Variants in FERMT2 observed in about 807,000 individuals in gnomAD.
FERMT2 encodes the protein fermitin family homolog 2.
Under a neutral mutation model 82.7 loss-of-function variants are expected in FERMT2, and 15 were observed. That is an observed-to-expected ratio of 0.18 (90% CI 0.12 to 0.28). FERMT2 has a LOEUF of 0.28. FERMT2 is among the 10% of genes least tolerant of loss of function. The probability of loss-of-function intolerance (pLI) is 1.00; values close to 1 mark genes in which losing one functional copy is unlikely to be tolerated. For synonymous variants in FERMT2, 274 were observed against 271.5 expected, an observed-to-expected ratio of 1.01 and a Z score of -0.09; for missense variants, 645 against 809.4, an observed-to-expected ratio of 0.80 and a Z score of 2.46.
intron 3 of FERMT2, among the ~76,000 whole-genome samples, chr14:52,918,436 T>C (rs889714157): frequency 2.6e-5 from 4 of 152,226 alleles, no homozygotes; most frequent in Admixed American, 2.0e-4. Context: ...TAGTATAATT[T>C]AAAAATTTAA....
At chr14:52,887,809 A>C (rs916997380) in intron 4 of FERMT2, among the ~76,000 whole-genome samples, 2 of 152,174 alleles carry the variant, frequency 1.3e-5, no homozygotes, top group Admixed American at 6.5e-5. Context: ...AAGTTAACTA[A>C]AATTACTTAA....
rs1008692072 is a variant in FERMT2, at chr14:52,881,567, A to G, written c.527-98T>C. 8 of 1,011,652 alleles carry G rather than the reference A, an allele frequency of 7.9e-6. No homozygotes were observed. In the East Asian group the frequency reaches 1.0e-4, roughly 13 times the overall value. The allele number at this position is 1,011,652 out of a possible 1,614,324, so 62.7% of individuals were successfully genotyped here. ...ATGATATAAAGCACATTGTGAAACA[A>G]AAGTTTTATTCTGAAAGGAAAGCTT... On this transcript the variant is annotated intron_variant, in intron 4 of 14. Coordinates refer to ENST00000341590, the MANE Select transcript of FERMT2 (RefSeq NM_006832.3).
chr14:52,893,784 TG>T (rs1887094822), intron 3 of FERMT2, among the ~76,000 whole-genome samples: 1 of 151,944 alleles, frequency 6.6e-6, no homozygotes, highest in South Asian at 2.1e-4. Context: ...ACGTGATAAA[TG>T]AAGTAAATGT....
chr14:52,898,213 G>A (rs1383181274), intron 3 of FERMT2, among the ~76,000 whole-genome samples: 5 of 152,072 alleles, frequency 3.3e-5, no homozygotes, highest in Admixed American at 6.6e-5. Context: ...CTAATAAAGA[G>A]CAGAAATCAT....
At chr14:52,906,044 C>T (rs1008899810) in intron 3 of FERMT2, among the ~76,000 whole-genome samples, 3 of 152,014 alleles carry the variant, frequency 2.0e-5, no homozygotes, top group East Asian at 1.9e-4. Context: ...ACAAGATGCA[C>T]GAAATAAAGA....
chr14:52,949,557 T>C (rs1890518889), intron 2 of FERMT2, among the ~76,000 whole-genome samples: 1 of 152,128 alleles, frequency 6.6e-6, no homozygotes, highest in African/African-American at 2.4e-5. Flanking sequence ...TCTCTGAGCA[T>C]TTCTCTTATG....
chr14:52,878,437 G>A, intron 7 of FERMT2, 145 bp downstream of exon 7: 1 of 577,110 alleles, frequency 1.7e-6, no homozygotes, highest in Non-Finnish European at 3.1e-6. Flanking sequence ...TATTTGTTTT[G>A]CTTTCCTAAG....
At chr14:52,938,869 C>A (rs1889966248) in intron 2 of FERMT2, among the ~76,000 whole-genome samples, 1 of 151,954 alleles carries the variant, frequency 6.6e-6, no homozygotes, top group Non-Finnish European at 1.5e-5. Context: ...ATTTGTCTAA[C>A]CAGAATATTG....
At chr14:52,877,160 C>T (rs1446414707) in intron 7 of FERMT2, among the ~76,000 whole-genome samples, 1 of 152,140 alleles carries the variant, frequency 6.6e-6, no homozygotes, top group Non-Finnish European at 1.5e-5. Context: ...TAATAGGCAT[C>T]TGTTGGTTTT....
intron 3 of FERMT2, among the ~76,000 whole-genome samples, chr14:52,901,115 A>C (rs1887608708): frequency 8.0e-6 from 1 of 124,852 alleles, no homozygotes; most frequent in Non-Finnish European, 1.8e-5. Context: ...CAAAAAAAAA[A>C]AAAAAAAAAA....
rs1290598957 is a variant in FERMT2, at chr14:52,878,836, G to A, written c.856-147C>T. On this transcript the variant is annotated intron_variant, in intron 6 of 14. Coordinates refer to ENST00000341590, the MANE Select transcript of FERMT2 (RefSeq NM_006832.3). ...AGCAAGAATTTTTATTTACAATCAA[G>A]TATTATTAGAAGGATACCTATGGGG... The A allele has an allele frequency of 5.7e-6, 3 of 525,744 alleles. No homozygotes were observed. In the East Asian group the frequency reaches 9.6e-5, roughly 17 times the overall value. The allele number at this position is 525,744 out of a possible 1,614,324, so 32.6% of individuals were successfully genotyped here.
chr14:52,906,546 G>A (rs1888023272), intron 3 of FERMT2, among the ~76,000 whole-genome samples: 1 of 151,824 alleles, frequency 6.6e-6, no homozygotes, highest in South Asian at 2.1e-4. Flanking sequence ...AGTAAAGGGT[G>A]GGGGTGGGGA....
At chr14:52,912,622 G>A (rs915270136) in intron 3 of FERMT2, among the ~76,000 whole-genome samples, 2 of 151,254 alleles carry the variant, frequency 1.3e-5, no homozygotes, top group Admixed American at 1.3e-4. Context: ...CGATTCTCCT[G>A]CCTCAGCCTC....
intron 3 of FERMT2, among the ~76,000 whole-genome samples, chr14:52,901,105 CAAAAAAAAAAAAAAAAAAA>C (rs71125146): frequency 1.5e-5 from 1 of 68,620 alleles, no homozygotes; most frequent in Non-Finnish European, 2.6e-5. Context: ...ACTAAAAATA[CAAAAAAAAAAAAAAAAAAA>C]AAAAAAATTA....
chr14:52,916,726 A>G (rs1484086764), intron 3 of FERMT2, among the ~76,000 whole-genome samples: 4 of 152,248 alleles, frequency 2.6e-5, no homozygotes, highest in Admixed American at 6.5e-5. Flanking sequence ...ACCAGTTACA[A>G]TAAATGTACC....
At chr14:52,911,568 G>A (rs1177333126) in intron 3 of FERMT2, among the ~76,000 whole-genome samples, 5 of 151,608 alleles carry the variant, frequency 3.3e-5, no homozygotes, top group East Asian at 1.9e-4. Context: ...GGAGAATGGC[G>A]TGAACCCGGG....
chr14:52,865,808 AT>A (rs1370843134), intron 10 of FERMT2, among the ~76,000 whole-genome samples: 1 of 152,192 alleles, frequency 6.6e-6, no homozygotes, highest in East Asian at 1.9e-4. Flanking sequence ...CTACATAAAT[AT>A]TTTAGTATTA....
intron 2 of FERMT2, among the ~76,000 whole-genome samples, chr14:52,940,070 T>C (rs1198953241): frequency 1.3e-5 from 2 of 152,156 alleles, no homozygotes; most frequent in Non-Finnish European, 2.9e-5. Flanking sequence ...CAACATGATG[T>C]AAAAATAAGA....
chr14:52,925,348 T>TG (rs1889195226), intron 2 of FERMT2, among the ~76,000 whole-genome samples: 2 of 152,062 alleles, frequency 1.3e-5, no homozygotes, highest in South Asian at 2.1e-4. Context: ...GGTCAGAAGT[T>TG]GGAGTTTGAG....
Sources: allele counts gnomAD v4.1 joint callset (sites outside exome capture counted in the v4.1 genomes callset), GRCh38; gene constraint gnomAD v4.1.1; transcripts MANE v1.5; gene names NCBI Gene and HGNC (gene_info 2026-07-23, HGNC 2026-07-21).